The following NTNG1 variants were observed in gnomAD, a reference collection of about 807,000 sequenced individuals.
The protein encoded by NTNG1 is netrin-G1.
A neutral mutation model predicts 54.0 loss-of-function variants in NTNG1; 16 were observed. That is an observed-to-expected ratio of 0.30 (90% CI 0.20 to 0.45). The LOEUF (loss-of-function observed/expected upper bound fraction) is 0.45, where lower values mean the gene tolerates loss of function less well. Ranked by LOEUF, NTNG1 falls within the 20% of genes least tolerant of loss-of-function variation. The pLI, the probability that NTNG1 is intolerant of heterozygous loss-of-function variation, is 1.00. For synonymous variants in NTNG1, 255 were observed against 263.1 expected (o/e 0.97, Z 0.30); for missense variants, 530 against 678.7 (o/e 0.78, Z 2.43).
At chr1:107,148,004 A>T (rs1654256481) in intron 1 of NTNG1, 65 bp from the exon 2 acceptor site, 1 of 152,810 alleles carries the variant, frequency 6.5e-6, no homozygotes, top group South Asian at 2.1e-4. Flanking sequence ...AAATGTCAAC[A>T]TATTGTACAT....
chr1:107,434,571 T>G (rs1311440839), intron 6 of NTNG1, among the ~76,000 whole-genome samples: 1 of 152,152 alleles, frequency 6.6e-6, no homozygotes, highest in African/African-American at 2.4e-5. Context: ...CAGCTGCTGC[T>G]AAGCATTTCT....
At chr1:107,319,866 TA>T (rs1458519013) in intron 2 of NTNG1, among the ~76,000 whole-genome samples, 2 of 20,382 alleles carry the variant, frequency 9.8e-5, no homozygotes, top group Admixed American at 4.7e-4. Context: ...ACCTGAGGTT[TA>T]TATATATATA....
chr1:107,405,218 T>A (rs977902909), intron 4 of NTNG1, among the ~76,000 whole-genome samples: 1 of 152,054 alleles, frequency 6.6e-6, no homozygotes, highest in Non-Finnish European at 1.5e-5. Context: ...TAGAAAAAAA[T>A]AATGATATTT....
intron 1 of NTNG1, among the ~76,000 whole-genome samples, chr1:107,146,365 A>C (rs1352340146): frequency 1.3e-5 from 2 of 152,068 alleles, no homozygotes; most frequent in Non-Finnish European, 2.9e-5. Flanking sequence ...ACAGTTGAAA[A>C]ATTCATCTCA....
intron 2 of NTNG1, among the ~76,000 whole-genome samples, chr1:107,317,553 G>A (rs1667403676): frequency 6.6e-6 from 1 of 152,022 alleles, no homozygotes; most frequent in African/African-American, 2.4e-5. Context: ...TGTGGCTTAT[G>A]GCTTGGGAAT....
chr1:107,313,523 T>C (rs1667149280), intron 2 of NTNG1, among the ~76,000 whole-genome samples: 1 of 152,144 alleles, frequency 6.6e-6, no homozygotes, highest in South Asian at 2.1e-4. Context: ...TAAGTGATAG[T>C]TGAAGCTGTA....
intron 2 of NTNG1, among the ~76,000 whole-genome samples, chr1:107,234,441 C>G (rs972008823): frequency 6.6e-6 from 1 of 151,252 alleles, no homozygotes; most frequent in Admixed American, 6.6e-5. Flanking sequence ...GTTTTTTTTT[C>G]GGAAATGTAT....
At chr1:107,173,898 T>A (rs888865651) in intron 2 of NTNG1, among the ~76,000 whole-genome samples, 5 of 152,096 alleles carry the variant, frequency 3.3e-5, no homozygotes, top group African/African-American at 1.2e-4. Flanking sequence ...ATCAGAATTT[T>A]CTGGTCTTGA....
chr1:107,465,781 T>C (rs565881912), intron 7 of NTNG1, among the ~76,000 whole-genome samples: 25 of 152,298 alleles, frequency 1.6e-4, no homozygotes, highest in South Asian at 1.0e-3. Flanking sequence ...TGCTGCTCAG[T>C]CGCCAGGAGG....
At chr1:107,160,616 T>G (rs1334557311) in intron 2 of NTNG1, among the ~76,000 whole-genome samples, 1 of 152,136 alleles carries the variant, frequency 6.6e-6, no homozygotes, top group African/African-American at 2.4e-5. Flanking sequence ...TGTTCATTTT[T>G]TCTCGTAACT....
At position 107,373,468 on chromosome 1, in the gene NTNG1, T is replaced by A. The variant is rs980499372; in HGVS notation, c.888-21686T>A. 2.0e-5 allele frequency among the ~76,000 whole-genome samples: 3 copies of A among 152,146 alleles called. No individual in the cohort carries two copies. In the East Asian group the frequency reaches 5.8e-4, roughly 29 times the overall value. On this transcript the variant is annotated intron_variant, in intron 3 of 7. Transcript: ENST00000370068. ...TATATCATTTTTGTTTTAACAATTA[T>A]CTTTCAAATAACAGATAAAAACTTA...
chr1:107,271,654 T>C (rs1328310962), intron 2 of NTNG1, among the ~76,000 whole-genome samples: 1 of 152,130 alleles, frequency 6.6e-6, no homozygotes, highest in African/African-American at 2.4e-5. Flanking sequence ...TAAAAATAGA[T>C]ATTAGAGGTA....
rs1666041319 is a variant in NTNG1, at chr1:107,297,282, AT to A, written c.247-26999del. Among the ~76,000 whole-genome samples the A allele has an allele frequency of 2.0e-5, 3 of 147,020 alleles. No homozygotes were observed. The Admixed American group carries it at 2.1e-4, about 10-fold the overall frequency. ...ACACACACACAGCAGTTAAGGATGC[AT>A]GTTGTAAATTGAAGATTGAAGAACC... On this transcript the variant is annotated intron_variant, in intron 2 of 7. Transcript: ENST00000370068.
At chr1:107,222,664 A>G (rs1660419570) in intron 2 of NTNG1, among the ~76,000 whole-genome samples, 1 of 152,166 alleles carries the variant, frequency 6.6e-6, no homozygotes, top group African/African-American at 2.4e-5. Context: ...GGAAATGATG[A>G]AGATGTAGAT....
chr1:107,436,502 G>A (rs1205176623), intron 6 of NTNG1, among the ~76,000 whole-genome samples, 163 bp from the exon 7 acceptor site: 5 of 152,244 alleles, frequency 3.3e-5, no homozygotes, highest in African/African-American at 9.6e-5. Flanking sequence ...AAGGCTAAGC[G>A]AATAAATAAA....
At chr1:107,430,981 G>A (rs1675225417) in intron 6 of NTNG1, 64 bp downstream of exon 6, 1 of 1,520,458 alleles carries the variant, frequency 6.6e-7, no homozygotes, top group Non-Finnish European at 9.0e-7. Context: ...GATATTTAGG[G>A]TGGAGAGGCT....
intron 2 of NTNG1, among the ~76,000 whole-genome samples, chr1:107,246,974 CTG>C (rs67941259): frequency 0.63 from 95,291 of 151,896 alleles, 33,120 homozygotes; most frequent in Non-Finnish European, 0.78. Flanking sequence ...TGCCACTTCT[CTG>C]TGGCTTTATT....
intron 3 of NTNG1, among the ~76,000 whole-genome samples, chr1:107,349,701 G>A (rs1294064387): frequency 6.6e-6 from 1 of 152,050 alleles, no homozygotes; most frequent in Non-Finnish European, 1.5e-5. Context: ...GTTTAGGTTA[G>A]TTTTAAGTGT....
chr1:107,233,839 A>G (rs11185072), intron 2 of NTNG1, among the ~76,000 whole-genome samples: 22,141 of 152,072 alleles, frequency 0.15, 3,306 homozygotes, highest in African/African-American at 0.39. Flanking sequence ...CTTACTGGAA[A>G]CCATGTAATT....
Sources: allele counts gnomAD v4.1 joint callset (sites outside exome capture counted in the v4.1 genomes callset), GRCh38; gene constraint gnomAD v4.1.1; transcripts MANE v1.5; gene names NCBI Gene and HGNC (gene_info 2026-07-23, HGNC 2026-07-21).